MGMT: variants seen among roughly 807,000 people sequenced by gnomAD.
The protein encoded by MGMT is methylated-DNA--protein-cysteine methyltransferase.
MGMT carries 14 observed loss-of-function variants against 15.9 expected under a neutral mutation model. The observed-to-expected ratio is 0.88, with a 90% CI of 0.58 to 1.37. MGMT has a LOEUF of 1.37. Among genes scored for constraint, MGMT ranks in the 40% most tolerant of loss-of-function variants. The pLI is 0.00. For synonymous variants in MGMT, 130 were observed against 118.2 expected (o/e 1.10, Z -0.65); for missense variants, 282 against 268.1 (o/e 1.05, Z -0.36).
intron 2 of MGMT, among the ~76,000 whole-genome samples, chr10:129,611,344 G>A (rs757141848): frequency 4.6e-5 from 7 of 152,210 alleles, no homozygotes; most frequent in Non-Finnish European, 8.8e-5. Context: ...GATGGAGCAG[G>A]AAGAAGAGAG....
At chr10:129,716,707 G>T (rs1284533049) in intron 3 of MGMT, among the ~76,000 whole-genome samples, 1 of 152,186 alleles carries the variant, frequency 6.6e-6, no homozygotes, top group Non-Finnish European at 1.5e-5. Context: ...GGCCTTTGAT[G>T]TTCAAGAGCA....
intron 2 of MGMT, among the ~76,000 whole-genome samples, chr10:129,541,356 G>A (rs1846040939): frequency 6.6e-6 from 1 of 152,364 alleles, no homozygotes; most frequent in South Asian, 2.1e-4. Context: ...AGGAGCACTT[G>A]GCCTCTGCAA....
intron 2 of MGMT, among the ~76,000 whole-genome samples, chr10:129,634,566 A>G (rs905212146): frequency 5.3e-5 from 8 of 151,700 alleles, no homozygotes; most frequent in South Asian, 2.1e-4. Context: ...TGTAGTTTCT[A>G]TAGGAATATA....
In MGMT at chr10:129,532,030, G is replaced by A. The variant is rs540676142; in HGVS notation, c.-12-4211G>A. 2.6e-5 allele frequency among the ~76,000 whole-genome samples: 4 copies of A among 152,118 alleles called. No homozygotes were observed. Among genetic ancestry groups the A allele is most frequent in the Admixed American group, 6.5e-5 (1 of 15,288 alleles). ...AGTTATAAACTGGTTGCCTTTTTTC[G>A]GTTCTTGGAATGATTTGGATGGAGC... On this transcript the variant is annotated intron_variant, in intron 1 of 4. Transcript: ENST00000651593. The surrounding 1 kb of genome is among the most constrained non-coding windows in gnomAD (Gnocchi z 5.3).
At chr10:129,579,528 G>A (rs1187773410) in intron 2 of MGMT, among the ~76,000 whole-genome samples, 1 of 152,250 alleles carries the variant, frequency 6.6e-6, no homozygotes, top group African/African-American at 2.4e-5. Flanking sequence ...ACTTTGGAAG[G>A]ACGTTAAGGC....
intron 2 of MGMT, among the ~76,000 whole-genome samples, chr10:129,690,428 G>C (rs1365808271): frequency 6.6e-6 from 1 of 152,214 alleles, no homozygotes; most frequent in African/African-American, 2.4e-5. Flanking sequence ...TGTGGCATGA[G>C]TATGTACAAA....
In MGMT at chr10:129,767,033, A is replaced by G; in HGVS notation, c.*36A>G. The G allele has an allele frequency of 6.6e-7, 1 of 1,511,132 alleles. No individual in the cohort carries two copies. Among genetic ancestry groups the G allele is most frequent in the African/African-American group, 1.4e-5 (1 of 72,618 alleles). 93.6% of individuals were successfully genotyped at this position (1,511,132 alleles called of 1,614,324 possible). On this transcript the variant is annotated 3_prime_UTR_variant, in exon 5 of 5. Coordinates refer to ENST00000651593, the MANE Select transcript of MGMT (RefSeq NM_002412.5). ...TAGGATGGATGTTTGAGCGACACAC[A>G]CGTGTAACACTGCATCGGATGCGGG...
At chr10:129,497,288 C>A (rs372830533) in intron 1 of MGMT, among the ~76,000 whole-genome samples, 2 of 152,114 alleles carry the variant, frequency 1.3e-5, no homozygotes, top group Non-Finnish European at 2.9e-5. Context: ...CACGGAGGGG[C>A]GGTGCACAGC....
intron 2 of MGMT, among the ~76,000 whole-genome samples, chr10:129,674,659 G>A (rs1847764087): frequency 6.6e-6 from 1 of 152,262 alleles, no homozygotes; most frequent in African/African-American, 2.4e-5. Context: ...GGAAGCATGG[G>A]AAAACCTTGG....
At chr10:129,547,048 C>T (rs1846105170) in intron 2 of MGMT, among the ~76,000 whole-genome samples, 1 of 152,186 alleles carries the variant, frequency 6.6e-6, no homozygotes, top group African/African-American at 2.4e-5. Flanking sequence ...AGAATATCCT[C>T]CGCAGAAACA....
chr10:129,712,840 T>G (rs1564770785), intron 3 of MGMT, among the ~76,000 whole-genome samples: 1 of 152,174 alleles, frequency 6.6e-6, no homozygotes, highest in East Asian at 1.9e-4. Flanking sequence ...TCCTGCTGCC[T>G]ACTCACATCC....
chr10:129,719,160 C>CGCTCAGGCGTGTCACCTTCT (rs1386447672), intron 3 of MGMT, among the ~76,000 whole-genome samples: 2 of 145,574 alleles, frequency 1.4e-5, no homozygotes, highest in Non-Finnish European at 3.0e-5. Flanking sequence ...TCTGTGTGCC[C>CGCTCAGGCGTGTCACCTTCT]GCTCAGGCGT....
intron 2 of MGMT, chr10:129,700,884 A>G (rs1848090761): frequency 1.3e-5 from 2 of 152,158 alleles, no homozygotes; most frequent in South Asian, 4.1e-4. Context: ...TTTACCAGTG[A>G]TATTTAGCAA....
At chr10:129,478,523 TTCTG>T (rs1211419559) in intron 1 of MGMT, among the ~76,000 whole-genome samples, 1 of 152,252 alleles carries the variant, frequency 6.6e-6, no homozygotes, top group African/African-American at 2.4e-5. Flanking sequence ...TTAAATTTAC[TTCTG>T]TCTAACTCAC....
At chr10:129,727,509 G>A (rs189986802) in intron 3 of MGMT, among the ~76,000 whole-genome samples, 8 of 152,334 alleles carry the variant, frequency 5.3e-5, no homozygotes, top group African/African-American at 1.7e-4. Flanking sequence ...TTGGGGCCAC[G>A]AAGTTGGGGA....
At chr10:129,604,212 C>T (rs1413307774) in intron 2 of MGMT, among the ~76,000 whole-genome samples, 2 of 152,288 alleles carry the variant, frequency 1.3e-5, no homozygotes, top group African/African-American at 4.8e-5. Flanking sequence ...TCTGAAGGGG[C>T]TGCCGGGGCC....
chr10:129,519,028 C>T (rs1845775623), intron 1 of MGMT, among the ~76,000 whole-genome samples: 1 of 152,150 alleles, frequency 6.6e-6, no homozygotes, highest in South Asian at 2.1e-4. Context: ...TGACTACTGA[C>T]AGGTCACTTC....
intron 1 of MGMT, among the ~76,000 whole-genome samples, chr10:129,501,877 C>T (rs1229661294): frequency 1.4e-5 from 2 of 143,190 alleles, no homozygotes; most frequent in East Asian, 3.9e-4. Flanking sequence ...CCGTTCCACT[C>T]CTTCAAGGGT....
At chr10:129,662,942 T>C (rs1847616701) in intron 2 of MGMT, among the ~76,000 whole-genome samples, 1 of 152,006 alleles carries the variant, frequency 6.6e-6, no homozygotes, top group Non-Finnish European at 1.5e-5. Flanking sequence ...GAGAAATAAA[T>C]AGCAACACGG....
Sources: gnomAD v4.1 joint callset for allele counts (sites outside exome capture counted in the v4.1 genomes callset) on GRCh38, gnomAD v4.1.1 for gene constraint, Gnocchi (gnomAD v3.1) non-coding constraint, MANE v1.5 for transcripts, NCBI Gene and HGNC (gene_info 2026-07-23, HGNC 2026-07-21) for gene names.